The following PTPN5 variants were observed in gnomAD, a reference collection of about 807,000 sequenced individuals.
PTPN5 encodes tyrosine-protein phosphatase non-receptor type 5.
In PTPN5, 29 loss-of-function variants were observed where a neutral mutation model predicts 73.9. The ratio of observed to expected loss-of-function variants is 0.39; its 90% CI spans 0.29 to 0.54. The LOEUF (loss-of-function observed/expected upper bound fraction) is 0.54. Ranked by LOEUF, PTPN5 falls within the 20% of genes least tolerant of loss-of-function variation. PTPN5 has a pLI of 0.65. For synonymous variants in PTPN5, 267 were observed against 304.7 expected (o/e 0.88, Z 1.29); for missense variants, 652 against 751.4 (o/e 0.87, Z 1.55).
At chr11:18,743,193 G>T in intron 5 of PTPN5, 118 bp from the exon 6 acceptor site, 1 of 1,214,126 alleles carries the variant, frequency 8.2e-7, no homozygotes, top group Non-Finnish European at 1.2e-6. Context: ...TGGGGAGCAG[G>T]CAGAAGAACT....
chr11:18,758,533 C>T (rs1005839323), intron 3 of PTPN5, among the ~76,000 whole-genome samples: 2 of 152,214 alleles, frequency 1.3e-5, no homozygotes, highest in African/African-American at 4.8e-5. Flanking sequence ...CCCAGCTAAA[C>T]CCTGCATGAC....
chr11:18,749,357 T>G, intron 3 of PTPN5: 1 of 518,730 alleles, frequency 1.9e-6, no homozygotes. Flanking sequence ...CTTGGCCAAG[T>G]AAGTGCAGAC....
At chr11:18,762,259 G>C (rs935785673) in intron 3 of PTPN5, among the ~76,000 whole-genome samples, 1 of 152,170 alleles carries the variant, frequency 6.6e-6, no homozygotes, top group Non-Finnish European at 1.5e-5. Flanking sequence ...ACCAGGCATG[G>C]CTGGCCCTCA....
intron 9 of PTPN5, among the ~76,000 whole-genome samples, chr11:18,734,910 A>G (rs906970599): frequency 1.3e-5 from 2 of 152,138 alleles, no homozygotes; most frequent in Non-Finnish European, 1.5e-5. Context: ...GGAGTCATTA[A>G]GAGTCTACAC....
chr11:18,764,802 C>T lies in PTPN5; in HGVS notation c.97+1005G>A, dbSNP rs180855210. ...ATCTCGGCTCACTGCAAGCTCTGCC[C>T]TCTGGGTTCACGCCATCCTCCTGCC... On this transcript the variant is annotated intron_variant, in intron 3 of 14. Transcript: ENST00000358540. Among the ~76,000 whole-genome samples the T allele has an allele frequency of 5.9e-3, 893 of 152,164 alleles. 15 individuals carry two copies. Among genetic ancestry groups the T allele is most frequent in the African/African-American group, 0.02 (836 of 41,508 alleles).
rs1564899111 is a variant in PTPN5 at position 18,744,171 on chromosome 11, T to C, written c.126A>G (p.Ala42=). 6.3e-7 allele frequency: 1 copy of C among 1,583,460 alleles called. No homozygotes were observed. Among genetic ancestry groups the C allele is most frequent in the Non-Finnish European group, 8.6e-7 (1 of 1,167,484 alleles). Residue 42 remains alanine, a synonymous_variant, in exon 4 of 15, where the codon GCA becomes GCG. Coordinates refer to ENST00000358540, the MANE Select transcript of PTPN5 (RefSeq NM_006906.2). ...CCTGGAGCCCTTCAGCCTCGTCCAG[T>C]GCCTCCATCACTATCGGCTGGGGGA... ...PGLPQPIVME[A]LDEAEGLQDS...
intron 1 of PTPN5, among the ~76,000 whole-genome samples, chr11:18,785,791 A>AT (rs1851641136): frequency 1.4e-5 from 2 of 142,582 alleles, no homozygotes; most frequent in African/African-American, 4.9e-5. Context: ...CTACCTCACC[A>AT]CAAAAAAGGA....
intron 1 of PTPN5, among the ~76,000 whole-genome samples, chr11:18,772,605 C>T (rs1313954597): frequency 1.3e-5 from 2 of 152,060 alleles, no homozygotes; most frequent in African/African-American, 2.4e-5. Flanking sequence ...GAAGTGGGTG[C>T]GGGCATGGCA....
intron 8 of PTPN5, among the ~76,000 whole-genome samples, chr11:18,738,629 A>G (rs1468187095): frequency 6.6e-6 from 1 of 151,946 alleles, no homozygotes; most frequent in South Asian, 2.1e-4. Context: ...CTGCCTCCTG[A>G]GGGCGCTGGT....
chr11:18,756,341 A>G (rs7927681), intron 3 of PTPN5, among the ~76,000 whole-genome samples: 105,060 of 145,934 alleles, frequency 0.72, 38,725 homozygotes, highest in East Asian at 0.94. Context: ...CCGTCACCCA[A>G]GCTGGAGTGC....
chr11:18,748,927 GC>G (rs1343101970), intron 3 of PTPN5, among the ~76,000 whole-genome samples: 2 of 152,138 alleles, frequency 1.3e-5, no homozygotes, highest in African/African-American at 4.8e-5. Context: ...GTGGTCCTAG[GC>G]CCGTTTGTTC....
intron 3 of PTPN5, among the ~76,000 whole-genome samples, chr11:18,754,154 G>A (rs1306566009): frequency 2.0e-5 from 3 of 152,082 alleles, no homozygotes; most frequent in East Asian, 1.9e-4. Context: ...AGAAATTCTT[G>A]AAAACCACCT....
intron 2 of PTPN5, among the ~76,000 whole-genome samples, chr11:18,770,974 G>C (rs1196100949): frequency 1.3e-5 from 2 of 152,190 alleles, no homozygotes; most frequent in Admixed American, 6.5e-5. Flanking sequence ...AGACATCCTG[G>C]AGTCTCCTAA....
intron 1 of PTPN5, among the ~76,000 whole-genome samples, chr11:18,781,590 C>T (rs1479448134): frequency 6.6e-6 from 1 of 152,120 alleles, no homozygotes; most frequent in East Asian, 1.9e-4. Flanking sequence ...GCTGGGATTA[C>T]AGCCATGAGC....
intron 1 of PTPN5, among the ~76,000 whole-genome samples, chr11:18,773,425 A>G (rs1427114734): frequency 6.6e-6 from 1 of 152,110 alleles, no homozygotes; most frequent in East Asian, 1.9e-4. Flanking sequence ...CTGAGTGCAT[A>G]GAGAGGGCTG....
rs1277319387 is a variant in PTPN5, at chr11:18,728,004, T to A, written c.*930A>T. ...GAATTATAAAAAGACACCAAATGTC[T>A]CTGTCTGCCGTGGGATAAATATTTA... On this transcript the variant is annotated 3_prime_UTR_variant, in exon 15 of 15. Transcript: ENST00000358540. The surrounding 1 kb of genome is among the most constrained non-coding windows in gnomAD (Gnocchi z 4.1). 1 of 152,614 alleles carries A rather than the reference T, an allele frequency of 6.6e-6. No individual in the cohort carries two copies. The highest frequency in any genetic ancestry group is 2.4e-5 in the African/African-American group (1 of 41,442). 9.5% of individuals were successfully genotyped at this position (152,614 alleles called of 1,614,324 possible). A position where few individuals can be genotyped will look rare whatever the true frequency, so the allele number is the denominator to read the frequency against.
At chr11:18,781,492 G>T (rs1485988664) in intron 1 of PTPN5, among the ~76,000 whole-genome samples, 1 of 151,776 alleles carries the variant, frequency 6.6e-6, no homozygotes, top group African/African-American at 2.4e-5. Flanking sequence ...GCTAGTTTCT[G>T]TATTTTTAGT....
In PTPN5 at chr11:18,737,067, G is replaced by C. The variant is rs189011648; in HGVS notation, c.1000+813C>G. 5.9e-5 allele frequency among the ~76,000 whole-genome samples: 9 copies of C among 152,334 alleles called. No homozygotes were observed. The East Asian group carries it at 1.7e-3, about 29-fold the overall frequency. The stretch of plus-strand genomic sequence containing the variant: ...CTGATGGCAAAACTGCTTTTTAAAA[G>C]CCTCGCTACTCCACAAACTGAATGG... On this transcript the variant is annotated intron_variant, in intron 9 of 14. Coordinates refer to ENST00000358540, the MANE Select transcript of PTPN5 (RefSeq NM_006906.2).
intron 1 of PTPN5, among the ~76,000 whole-genome samples, chr11:18,772,725 T>C (rs1314004239): frequency 2.0e-5 from 3 of 152,186 alleles, no homozygotes; most frequent in Non-Finnish European, 2.9e-5. Context: ...GATTGGACCA[T>C]TCATTTGTTC....
Sources: gnomAD v4.1 joint callset for allele counts (sites outside exome capture counted in the v4.1 genomes callset) on GRCh38, gnomAD v4.1.1 for gene constraint, Gnocchi (gnomAD v3.1) non-coding constraint, MANE v1.5 for transcripts, NCBI Gene and HGNC (gene_info 2026-07-23, HGNC 2026-07-21) for gene names.